The following TNR variants were observed in gnomAD, a reference collection of about 807,000 sequenced individuals.
TNR encodes the protein tenascin-R.
A neutral mutation model predicts 150.4 loss-of-function variants in TNR; 45 were observed. That is an observed-to-expected ratio of 0.30 (90% CI 0.24 to 0.38). The LOEUF is 0.38. Ranked by LOEUF, TNR falls within the 10% of genes least tolerant of loss-of-function variation. TNR has a pLI of 1.00. For missense variants in TNR, 1,544 were observed against 1,759.1 expected, an observed-to-expected ratio of 0.88 and a Z score of 2.19; for synonymous variants, 687 against 678.4, an observed-to-expected ratio of 1.01 and a Z score of -0.20.
At chr1:175,652,340 G>A (rs1031157222) in intron 1 of TNR, among the ~76,000 whole-genome samples, 2 of 151,868 alleles carry the variant, frequency 1.3e-5, no homozygotes, top group African/African-American at 4.8e-5. Flanking sequence ...TAAAGATTTT[G>A]ATTCACCAGT....
chr1:175,429,864 AG>A (rs1394199910), intron 2 of TNR, among the ~76,000 whole-genome samples: 1 of 152,138 alleles, frequency 6.6e-6, no homozygotes, highest in East Asian at 1.9e-4. Context: ...CCAGAAGCCC[AG>A]GGTTAGCAAA....
At chr1:175,606,007 A>G (rs758874574) in intron 1 of TNR, among the ~76,000 whole-genome samples, 2 of 152,026 alleles carry the variant, frequency 1.3e-5, no homozygotes, top group Non-Finnish European at 2.9e-5. Flanking sequence ...TGAGGGAAAG[A>G]AAAGGCAGAA....
At chr1:175,736,296 T>C (rs1347839601) in intron 1 of TNR, among the ~76,000 whole-genome samples, 1 of 151,630 alleles carries the variant, frequency 6.6e-6, no homozygotes, top group Non-Finnish European at 1.5e-5. Context: ...CCAAGGCGGG[T>C]GGATCACGAG....
intron 1 of TNR, among the ~76,000 whole-genome samples, chr1:175,529,368 C>T (rs958653816): frequency 6.6e-6 from 1 of 152,178 alleles, no homozygotes; most frequent in African/African-American, 2.4e-5. Context: ...CCTGGAGGAC[C>T]TCATGAAACC....
At chr1:175,326,848 A>G (rs1466867457) in intron 21 of TNR, among the ~76,000 whole-genome samples, 3 of 151,996 alleles carry the variant, frequency 2.0e-5, no homozygotes, top group Admixed American at 1.3e-4. Context: ...TTGTATTTTC[A>G]GTAGAGACGA....
rs1301647816 is a variant in TNR at position 175,316,829 on chromosome 1, T to C, written c.*6528A>G. On this transcript the variant is annotated 3_prime_UTR_variant, in exon 23 of 23. Coordinates refer to ENST00000367674, the MANE Select transcript of TNR (RefSeq NM_003285.3). ...TTTCTTATTCCCCATGATGATGAGA[T>C]TGAGGGTCCCCTGGAGTACATGGCA... is the stretch of plus-strand genomic sequence containing the variant. 6.6e-6 allele frequency: 1 copy of C among 152,176 alleles called. No homozygotes were observed. Among genetic ancestry groups the C allele is most frequent in the Non-Finnish European group, 1.5e-5 (1 of 68,030 alleles). 9.4% of individuals were successfully genotyped at this position (152,176 alleles called of 1,614,324 possible).
chr1:175,567,882 T>TA (rs201696815), intron 1 of TNR, among the ~76,000 whole-genome samples: 57 of 151,650 alleles, frequency 3.8e-4, no homozygotes, highest in Admixed American at 1.3e-3. Context: ...TAGTTTAACT[T>TA]AAAAAAAAAT....
intron 2 of TNR, among the ~76,000 whole-genome samples, chr1:175,490,619 A>G (rs952709042): frequency 1.3e-5 from 2 of 152,232 alleles, no homozygotes; most frequent in Admixed American, 6.5e-5. Context: ...ATATGAAGAA[A>G]ACCTCAACAT....
chr1:175,638,244 C>T (rs1242436007), intron 1 of TNR, among the ~76,000 whole-genome samples: 2 of 152,224 alleles, frequency 1.3e-5, no homozygotes, highest in Admixed American at 6.5e-5. Flanking sequence ...CAACTCTGCT[C>T]TTGTTCAACT....
At chr1:175,439,356 C>T (rs1167018364) in intron 2 of TNR, among the ~76,000 whole-genome samples, 1 of 152,006 alleles carries the variant, frequency 6.6e-6, no homozygotes, top group African/African-American at 2.4e-5. Flanking sequence ...CTTCCTTACA[C>T]CTTATACAAA....
intron 1 of TNR, among the ~76,000 whole-genome samples, chr1:175,593,312 T>C (rs1662875549): frequency 6.6e-6 from 1 of 152,182 alleles, no homozygotes; most frequent in Non-Finnish European, 1.5e-5. Context: ...CCCTTTACAC[T>C]GTTCACAGTG....
chr1:175,473,898 T>C (rs1345710119), intron 2 of TNR, among the ~76,000 whole-genome samples: 1 of 152,166 alleles, frequency 6.6e-6, no homozygotes, highest in East Asian at 1.9e-4. Context: ...TGCATTAAAA[T>C]GAGGAGATTC....
At chr1:175,698,753 T>C (rs1666602941) in intron 1 of TNR, among the ~76,000 whole-genome samples, 1 of 151,804 alleles carries the variant, frequency 6.6e-6, no homozygotes, top group African/African-American at 2.4e-5. Context: ...GGGAATCGCT[T>C]GGACCTGGGA....
At chr1:175,591,111 T>C (rs980687300) in intron 1 of TNR, among the ~76,000 whole-genome samples, 5 of 152,190 alleles carry the variant, frequency 3.3e-5, no homozygotes, top group Non-Finnish European at 7.3e-5. Flanking sequence ...GGTCTCAAGA[T>C]GCCACATCCT....
chr1:175,410,134 G>C lies in TNR; in HGVS notation c.-63-3357C>G, dbSNP rs543015164. On this transcript the variant is annotated intron_variant, in intron 2 of 22. Transcript: ENST00000367674. ...TGGGGTGGTGAGCTGAATAGATAGT[G>C]AGGGAACAGTGAGTTTGAGTCTCTA... is the stretch of plus-strand genomic sequence containing the variant. Among the ~76,000 whole-genome samples, 34 of 152,254 alleles carry C rather than the reference G, an allele frequency of 2.2e-4. No individual in the cohort carries two copies. The South Asian group carries it at 6.0e-3, about 27-fold the overall frequency.
rs540418121 is a variant in TNR at position 175,320,338 on chromosome 1, A to T, written c.*3019T>A. On this transcript the variant is annotated 3_prime_UTR_variant, in exon 23 of 23. Transcript: ENST00000367674. ...GAGTGGGGCACAGTGTCTTTTAAACATGGTGAAAACTCATGAGAAAATCAC... is the reference window on the plus strand; with the variant it reads ...GAGTGGGGCACAGTGTCTTTTAAACTTGGTGAAAACTCATGAGAAAATCAC... 2.1e-4 allele frequency: 32 copies of T among 152,366 alleles called. No homozygotes were observed. The highest frequency in any genetic ancestry group is 3.4e-4 in the Non-Finnish European group (23 of 68,018). The allele number at this position is 152,366 out of a possible 1,614,324, so 9.4% of individuals were successfully genotyped here.
chr1:175,418,519 T>G (rs192812262), intron 2 of TNR, among the ~76,000 whole-genome samples: 4 of 152,216 alleles, frequency 2.6e-5, no homozygotes, highest in Non-Finnish European at 5.9e-5. Context: ...GTCAGGAGAT[T>G]GAGACCATTC....
intron 2 of TNR, among the ~76,000 whole-genome samples, chr1:175,479,502 T>A (rs1439031070): frequency 1.3e-5 from 2 of 152,184 alleles, no homozygotes; most frequent in Non-Finnish European, 2.9e-5. Flanking sequence ...GGGATTTTAA[T>A]CCTGGTGACC....
At chr1:175,628,036 C>T (rs776088090) in intron 1 of TNR, among the ~76,000 whole-genome samples, 1 of 152,188 alleles carries the variant, frequency 6.6e-6, no homozygotes, top group Non-Finnish European at 1.5e-5. Flanking sequence ...TAGAATCTCA[C>T]AGAAGGCAGG....
Sources: gnomAD v4.1 joint callset for allele counts (sites outside exome capture counted in the v4.1 genomes callset) on GRCh38, gnomAD v4.1.1 for gene constraint, MANE v1.5 for transcripts, NCBI Gene and HGNC (gene_info 2026-07-23, HGNC 2026-07-21) for gene names.